The following CLASP2 variants were observed in gnomAD, a reference collection of about 807,000 sequenced individuals.
The protein encoded by CLASP2 is cytoplasmic linker associated protein 2, also known as CLIP-associating protein 2.
Under a neutral mutation model 194.4 loss-of-function variants are expected in CLASP2, and 47 were observed. That is an observed-to-expected ratio of 0.24 (90% confidence interval 0.19 to 0.31). The LOEUF (loss-of-function observed/expected upper bound fraction) is 0.31, where lower values mean the gene tolerates loss of function less well. Ranked by LOEUF, CLASP2 falls within the 10% of genes least tolerant of loss-of-function variation. The probability of loss-of-function intolerance (pLI) is 1.00; values close to 1 mark genes in which losing one functional copy is unlikely to be tolerated. For missense variants in CLASP2, 1,445 were observed against 1,823.6 expected (o/e 0.79, Z 3.78); for synonymous variants, 619 against 633.5 (o/e 0.98, Z 0.34).
rs557274011 is a variant in CLASP2 at position 33,551,939 on chromosome 3, GTTTT to G, written c.3010-548_3010-545del. On this transcript the variant is annotated intron_variant, in intron 29 of 38. Coordinates refer to ENST00000682230, the MANE Select transcript of CLASP2 (RefSeq NM_001365631.1). ...GGTAGCAATCAAGGTGGGCAATATAGTTTTTTTTTTTTTTTTTGGTAAAACACAG... is the reference window on the plus strand; with the variant it reads ...GGTAGCAATCAAGGTGGGCAATATAGTTTTTTTTTTTTTGGTAAAACACAG... Among the ~76,000 whole-genome samples the G allele has an allele frequency of 5.3e-5, 7 of 131,326 alleles. No homozygotes were observed. The South Asian group carries it at 9.8e-4, about 18-fold the overall frequency. The allele number at this position is 131,326 out of a possible 152,430, so 86.2% of individuals were successfully genotyped here.
chr3:33,517,224 A>G (rs1391033943), intron 34 of CLASP2, 50 bp from the exon 35 acceptor site: 1 of 1,422,220 alleles, frequency 7.0e-7, no homozygotes, highest in African/African-American at 1.4e-5. Flanking sequence ...GGTGACTCTC[A>G]CAAGTATGGG....
chr3:33,568,590 A>C (rs1013307049), intron 26 of CLASP2, among the ~76,000 whole-genome samples: 13 of 148,520 alleles, frequency 8.8e-5, no homozygotes, highest in East Asian at 3.9e-4. Flanking sequence ...ACACACACAC[A>C]CCCCCTCACA....
chr3:33,625,415 T>G (rs1347025960), intron 10 of CLASP2, among the ~76,000 whole-genome samples: 1 of 152,008 alleles, frequency 6.6e-6, no homozygotes, highest in South Asian at 2.1e-4. Context: ...AAGGAATATA[T>G]GTACATATTA....
intron 32 of CLASP2, among the ~76,000 whole-genome samples, chr3:33,540,774 CTT>C (rs34362342): frequency 6.5e-5 from 9 of 138,548 alleles, no homozygotes; most frequent in Admixed American, 7.3e-5. Context: ...AATACCAACT[CTT>C]TTTTTTTTTT....
intron 4 of CLASP2, among the ~76,000 whole-genome samples, chr3:33,687,514 T>C (rs1412675355): frequency 1.3e-5 from 2 of 152,178 alleles, no homozygotes; most frequent in Admixed American, 1.3e-4. Flanking sequence ...TGCATTCCAA[T>C]GAAATAAGTA....
chr3:33,595,353 C>T (rs2069986100), intron 19 of CLASP2, among the ~76,000 whole-genome samples: 1 of 152,004 alleles, frequency 6.6e-6, no homozygotes. Context: ...AATGTTTTCT[C>T]TGCATTTTCA....
rs1380960270 is a variant in CLASP2, at chr3:33,516,164, A to G, written c.3982-13T>C. On this transcript the variant is annotated splice_polypyrimidine_tract_variant and intron_variant, in intron 35 of 38. Transcript: ENST00000682230. ...CCCTGATTGTAGGCTAAGAAGAAACATTTAAATGTTTTTAATATTTTGGGT... is the reference window on the plus strand; with the variant it reads ...CCCTGATTGTAGGCTAAGAAGAAACGTTTAAATGTTTTTAATATTTTGGGT... The G allele has an allele frequency of 5.0e-6, 8 of 1,584,778 alleles. No individual in the cohort carries two copies. The South Asian group carries it at 9.4e-5, about 19-fold the overall frequency.
intron 26 of CLASP2, among the ~76,000 whole-genome samples, chr3:33,567,849 C>T (rs929299281): frequency 6.6e-6 from 1 of 152,194 alleles, no homozygotes; most frequent in Non-Finnish European, 1.5e-5. Context: ...CTTGTCTACT[C>T]AGTGACTGCT....
intron 6 of CLASP2, among the ~76,000 whole-genome samples, chr3:33,674,159 A>C (rs1337712498): frequency 3.9e-5 from 6 of 152,066 alleles, no homozygotes; most frequent in African/African-American, 1.4e-4. Flanking sequence ...AGCACAACAC[A>C]ACACCTATTC....
chr3:33,545,177 T>C lies in CLASP2; in HGVS notation c.3154-336A>G, dbSNP rs184129981. 235 of 161,848 alleles carry C rather than the reference T, an allele frequency of 1.5e-3. 1 individual carries two copies. The highest frequency in any genetic ancestry group is 0.012 in the Middle Eastern group (4 of 346). The allele number at this position is 161,848 out of a possible 1,614,324, so 10.0% of individuals were successfully genotyped here. A position where few individuals can be genotyped will look rare whatever the true frequency, so the allele number is the denominator to read the frequency against. On this transcript the variant is annotated intron_variant, in intron 30 of 38. Coordinates refer to ENST00000682230, the MANE Select transcript of CLASP2 (RefSeq NM_001365631.1). ...CCTAATAAACGATTACAAGGAGAAA[T>C]AATATCTAATCTTCTCACAAGCAGT...
chr3:33,565,667 C>G (rs1384233050), intron 27 of CLASP2, among the ~76,000 whole-genome samples: 1 of 151,808 alleles, frequency 6.6e-6, no homozygotes, highest in African/African-American at 2.4e-5. Flanking sequence ...ACAAATTTAG[C>G]TGGGCGTGGT....
At chr3:33,568,541 G>A (rs2063163019) in intron 26 of CLASP2, among the ~76,000 whole-genome samples, 1 of 72,256 alleles carries the variant, frequency 1.4e-5, no homozygotes, top group African/African-American at 6.2e-5. Context: ...GTGACAGAAA[G>A]AGATCTTGTC....
chr3:33,665,911 G>C (rs1351141288), intron 6 of CLASP2, among the ~76,000 whole-genome samples: 1 of 152,112 alleles, frequency 6.6e-6, no homozygotes, highest in Non-Finnish European at 1.5e-5. Context: ...GAAGAAATTA[G>C]GAAATTCAAT....
intron 30 of CLASP2, among the ~76,000 whole-genome samples, chr3:33,546,280 T>C (rs1452643412): frequency 2.0e-5 from 3 of 152,204 alleles, no homozygotes; most frequent in Non-Finnish European, 4.4e-5. Flanking sequence ...AATGAACTAA[T>C]CTCCTATATA....
At chr3:33,693,543 C>T (rs931627295) in intron 2 of CLASP2, among the ~76,000 whole-genome samples, 2 of 152,128 alleles carry the variant, frequency 1.3e-5, no homozygotes, top group African/African-American at 4.8e-5. Flanking sequence ...TCTAAGAGCA[C>T]ATAGGTATGC....
chr3:33,682,665 A>G (rs980877329), intron 6 of CLASP2, among the ~76,000 whole-genome samples: 2 of 152,240 alleles, frequency 1.3e-5, no homozygotes, highest in African/African-American at 2.4e-5. Flanking sequence ...TTTCTGATAC[A>G]CTAGAAGATT....
intron 29 of CLASP2, chr3:33,554,652 T>C (rs1389293110): frequency 1.3e-5 from 2 of 152,654 alleles, no homozygotes; most frequent in African/African-American, 4.8e-5. Context: ...CCCGGTGCTA[T>C]GATAAAACCT....
chr3:33,529,891 T>C (rs1003791562), intron 34 of CLASP2, among the ~76,000 whole-genome samples: 2 of 138,950 alleles, frequency 1.4e-5, no homozygotes, highest in African/African-American at 5.4e-5. Flanking sequence ...GGCAGGAGAA[T>C]GGTGTGAACC....
At chr3:33,636,492 T>C (rs529928977) in intron 8 of CLASP2, among the ~76,000 whole-genome samples, 1 of 152,034 alleles carries the variant, frequency 6.6e-6, no homozygotes, top group Non-Finnish European at 1.5e-5. Context: ...AATTCAATAT[T>C]AACTAAACAG....
Sources: allele counts gnomAD v4.1 joint callset (sites outside exome capture counted in the v4.1 genomes callset), GRCh38; gene constraint gnomAD v4.1.1; transcripts MANE v1.5; gene names NCBI Gene and HGNC (gene_info 2026-07-23, HGNC 2026-07-21).